The following ECPAS variants were observed in gnomAD, a reference collection of about 807,000 sequenced individuals.
The protein encoded by ECPAS is Ecm29 proteasome adaptor and scaffold.
ECPAS carries 70 observed loss-of-function variants against 255.1 expected under a neutral mutation model. The observed-to-expected ratio is 0.27, with a 90% CI of 0.23 to 0.33. The LOEUF (loss-of-function observed/expected upper bound fraction) is 0.33, where lower values mean the gene tolerates loss of function less well. Ranked by LOEUF, ECPAS falls within the 10% of genes least tolerant of loss-of-function variation. ECPAS has a pLI of 1.00. For missense variants in ECPAS, 1,817 were observed against 2,206.4 expected (o/e 0.82, Z 3.54); for synonymous variants, 784 against 775.0 (o/e 1.01, Z -0.19).
At chr9:111,419,050 C>T (rs1201065593) in intron 16 of ECPAS, among the ~76,000 whole-genome samples, 1 of 152,088 alleles carries the variant, frequency 6.6e-6, no homozygotes, top group Non-Finnish European at 1.5e-5. Context: ...AAAATATATA[C>T]AACTTATAGT....
In ECPAS at chr9:111,389,652, T is replaced by C. The variant is rs376977537; in HGVS notation, c.3351A>G (p.Leu1117=). Residue 1117 remains leucine, a synonymous_variant, in exon 31 of 50, where the codon CTA becomes CTG. Coordinates refer to ENST00000684092, the MANE Select transcript of ECPAS (RefSeq NM_001364929.1). ...GEQLAPFLPQ[L]VPRLYRYQFD... Reference sequence around the variant, plus strand: ...ACTGGTAACGATAAAGTCGAGGAACTAGCTGAGGCAGAAAAGGAGCCAGCT... The same window carrying C: ...ACTGGTAACGATAAAGTCGAGGAACCAGCTGAGGCAGAAAAGGAGCCAGCT... 2 of 1,613,950 alleles carry C rather than the reference T, an allele frequency of 1.2e-6. No homozygotes were observed. Among genetic ancestry groups the C allele is most frequent in the Non-Finnish European group, 1.7e-6 (2 of 1,179,846 alleles).
intron 31 of ECPAS, among the ~76,000 whole-genome samples, chr9:111,387,727 G>T (rs1264575956): frequency 1.3e-5 from 2 of 150,240 alleles, no homozygotes; most frequent in Non-Finnish European, 2.9e-5. Context: ...TCACTCGTCA[G>T]TGCAGTTATT....
intron 18 of ECPAS, 124 bp from the exon 19 acceptor site, chr9:111,414,775 C>G (rs1283908341): frequency 2.4e-6 from 2 of 822,586 alleles, no homozygotes; most frequent in East Asian, 5.7e-5. Flanking sequence ...CTATTCCAAT[C>G]CTCATGGAAG....
At chr9:111,414,935 G>A (rs982438718) in intron 18 of ECPAS, among the ~76,000 whole-genome samples, 4 of 152,126 alleles carry the variant, frequency 2.6e-5, no homozygotes, top group Admixed American at 2.6e-4. Context: ...CGCAGGAACA[G>A]AAAATCAAAT....
chr9:111,406,811 G>T (rs955019572), intron 24 of ECPAS, among the ~76,000 whole-genome samples: 1 of 149,088 alleles, frequency 6.7e-6, no homozygotes, highest in Admixed American at 6.6e-5. Flanking sequence ...GGTGAGGTGG[G>T]AGGATGGTTT....
At position 111,436,853 on chromosome 9, in the gene ECPAS, C is replaced by T. The variant is rs2098238884; in HGVS notation, c.708+87G>A. On this transcript the variant is annotated intron_variant, in intron 7 of 49. Coordinates refer to ENST00000684092, the MANE Select transcript of ECPAS (RefSeq NM_001364929.1). ...TATTTCACTGGAGAGCCTGAATATACTAGAATTATGTTTTATACGGTTCAT... is the reference window on the plus strand; with the variant it reads ...TATTTCACTGGAGAGCCTGAATATATTAGAATTATGTTTTATACGGTTCAT... The T allele has an allele frequency of 5.2e-6, 6 of 1,164,386 alleles. No homozygotes were observed. In the South Asian group the frequency reaches 1.1e-4, roughly 21 times the overall value. The allele number at this position is 1,164,386 out of a possible 1,614,324, so 72.1% of individuals were successfully genotyped here. A position where few individuals can be genotyped will look rare whatever the true frequency, so the allele number is the denominator to read the frequency against.
chr9:111,408,787 A>G (rs1238560986), intron 23 of ECPAS, 115 bp from the exon 24 acceptor site: 3 of 521,292 alleles, frequency 5.8e-6, no homozygotes, highest in Admixed American at 7.8e-5. Flanking sequence ...ACATCAACGC[A>G]AAAGTTTTTA....
intron 12 of ECPAS, 139 bp downstream of exon 12, chr9:111,425,279 T>A: frequency 1.8e-6 from 1 of 561,444 alleles, no homozygotes; most frequent in Non-Finnish European, 2.9e-6. Context: ...TTCTGAAATT[T>A]GTACTATTTC....
At chr9:111,423,485 C>T (rs1318782481) in intron 12 of ECPAS, among the ~76,000 whole-genome samples, 1 of 152,146 alleles carries the variant, frequency 6.6e-6, no homozygotes, top group Admixed American at 6.5e-5. Flanking sequence ...CCTTGCATCC[C>T]CAATCGCTCC....
Position 111,391,759 on chromosome 9 carries a change from T to G in ECPAS, c.3158A>C (p.Asp1053Ala), listed in dbSNP as rs745521649. ...FQGGALGKTP[D>A]GQGLSTYKEL... ...TCAATGGATTTAGCATACTTACCCA[T>G]CTGGTGTTTTGCCAAGAGCTCCCCC... The change falls in exon 29 of 50, where the codon GAT becomes GCT. Residue 1053 changes from aspartate to alanine, a missense_variant. Transcript: ENST00000684092. The G allele has an allele frequency of 1.3e-6, 2 of 1,593,002 alleles. No individual in the cohort carries two copies.
chr9:111,367,479 T>C (rs911447567), intron 46 of ECPAS, among the ~76,000 whole-genome samples: 1 of 152,176 alleles, frequency 6.6e-6, no homozygotes, highest in African/African-American at 2.4e-5. Context: ...GTTTGTATCA[T>C]CTTTCTCATA....
intron 24 of ECPAS, 128 bp downstream of exon 24, chr9:111,408,443 G>A (rs1366146126): frequency 1.7e-6 from 1 of 589,086 alleles, no homozygotes; most frequent in Admixed American, 3.4e-5. Flanking sequence ...TAGTACTCAA[G>A]TATCTGGTGA....
At position 111,426,382 on chromosome 9, in the gene ECPAS, A is replaced by C. The variant is rs545213013; in HGVS notation, c.1051-554T>G. Among the ~76,000 whole-genome samples, 36 of 152,098 alleles carry C rather than the reference A, an allele frequency of 2.4e-4. No individual in the cohort carries two copies. In the East Asian group the frequency reaches 6.9e-3, roughly 29 times the overall value. On this transcript the variant is annotated intron_variant, in intron 10 of 49. Coordinates refer to ENST00000684092, the MANE Select transcript of ECPAS (RefSeq NM_001364929.1). ...ATTACTTACACTAAAAAAAAAAAAA[A>C]AAACTCTATACTCTTGTTCCTAAAA...
intron 11 of ECPAS, 39 bp downstream of exon 11, chr9:111,425,704 A>T (rs1373448630): frequency 8.2e-7 from 1 of 1,212,490 alleles, no homozygotes; most frequent in East Asian, 2.4e-5. Flanking sequence ...TCATTCCAGC[A>T]GCTTGAAAAC....
intron 42 of ECPAS, 108 bp downstream of exon 42, chr9:111,372,321 A>G: frequency 9.7e-7 from 1 of 1,034,310 alleles, no homozygotes; most frequent in Non-Finnish European, 1.5e-6. Context: ...GATGCATATT[A>G]AGGTCCTGGG....
intron 31 of ECPAS, among the ~76,000 whole-genome samples, chr9:111,388,897 G>A (rs2098154881): frequency 6.6e-6 from 1 of 152,110 alleles, no homozygotes. Context: ...TCCTGTTCTG[G>A]GCATGTTGGG....
intron 8 of ECPAS, among the ~76,000 whole-genome samples, chr9:111,432,882 A>G (rs1483987668): frequency 6.6e-6 from 1 of 152,214 alleles, no homozygotes; most frequent in Non-Finnish European, 1.5e-5. Context: ...GTCTTTATTA[A>G]AAGTAATCTC....
rs770082167 is a variant in ECPAS at position 111,417,962 on chromosome 9, A to T, written c.1604T>A (p.Leu535His). The change falls in exon 17 of 50, where the codon CTT (leucine) becomes CAT (histidine). Residue 535 changes from leucine (L) to histidine (H), a missense_variant. Physicochemically the swap from Leu to His is moderately conservative, Grantham distance 99. Around this residue, in one of 4 missense-constraint regions of ECPAS, gnomAD observed 573 missense variants for 716.2 expected, o/e 0.80. Transcript: ENST00000684092. ...ACTTTCTTTTCTGTTTCTACCTGGA[A>T]GACACCTTAATACGCGTTGTGCTTC... ...HGEAQRVLRC[L>H]PGRNRKESTS... 1 of 1,608,034 alleles carries T rather than the reference A, an allele frequency of 6.2e-7. No individual in the cohort carries two copies. The highest frequency in any genetic ancestry group is 8.5e-7 in the Non-Finnish European group (1 of 1,177,074).
chr9:111,401,544 G>A (rs2098176059), intron 24 of ECPAS, among the ~76,000 whole-genome samples: 2 of 152,212 alleles, frequency 1.3e-5, no homozygotes. Flanking sequence ...AGGAAACAGG[G>A]TTTGAGAGCA....
Sources: gnomAD v4.1 joint callset for allele counts (sites outside exome capture counted in the v4.1 genomes callset) on GRCh38, gnomAD v4.1.1 for gene constraint, gnomAD v4.1.1 regional missense constraint, MANE v1.5 for transcripts, NCBI Gene and HGNC (gene_info 2026-07-23, HGNC 2026-07-21) for gene names.